GRID2: variants seen among roughly 807,000 people sequenced by gnomAD.
GRID2 encodes glutamate ionotropic receptor delta type subunit 2, also known as glutamate receptor ionotropic, delta-2.
A neutral mutation model predicts 114.8 loss-of-function variants in GRID2; 33 were observed. The ratio of observed to expected loss-of-function variants is 0.29; its 90% CI spans 0.22 to 0.38. The LOEUF is 0.38. Ranked by LOEUF, GRID2 falls within the 10% of genes least tolerant of loss-of-function variation. The pLI is 1.00. For synonymous variants in GRID2, 505 were observed against 449.9 expected, an observed-to-expected ratio of 1.12 and a Z score of -1.55; for missense variants, 1,184 against 1,257.7, an observed-to-expected ratio of 0.94 and a Z score of 0.89.
At chr4:92,560,094 A>C (rs1727039174) in intron 1 of GRID2, among the ~76,000 whole-genome samples, 1 of 152,150 alleles carries the variant, frequency 6.6e-6, no homozygotes, top group Admixed American at 6.6e-5. Context: ...AGGAGTTCTA[A>C]ATGAGGGACA....
At chr4:92,936,110 A>G (rs892838680) in intron 2 of GRID2, among the ~76,000 whole-genome samples, 3 of 146,960 alleles carry the variant, frequency 2.0e-5, no homozygotes, top group Non-Finnish European at 3.0e-5. Context: ...GTTAAACAAA[A>G]GAAATGCACT....
At chr4:93,315,603 C>T (rs1052839344) in intron 8 of GRID2, among the ~76,000 whole-genome samples, 2 of 152,078 alleles carry the variant, frequency 1.3e-5, no homozygotes, top group Admixed American at 6.6e-5. Context: ...AATCTCTCTT[C>T]GTAGGAATCT....
intron 8 of GRID2, among the ~76,000 whole-genome samples, chr4:93,372,486 CTTA>C (rs980313534): frequency 6.6e-6 from 1 of 152,056 alleles, no homozygotes; most frequent in Non-Finnish European, 1.5e-5. Flanking sequence ...CCTGCTTTTG[CTTA>C]TTATTCTCTA....
chr4:92,959,135 T>C (rs145023870), intron 2 of GRID2, among the ~76,000 whole-genome samples: 2,817 of 148,214 alleles, frequency 0.019, 40 homozygotes, highest in East Asian at 0.051. Flanking sequence ...CCCAAAAGAC[T>C]GACTTTTGAT....
intron 2 of GRID2, among the ~76,000 whole-genome samples, chr4:92,643,310 T>G (rs540618392): frequency 6.6e-6 from 1 of 151,746 alleles, no homozygotes; most frequent in Admixed American, 6.6e-5. Flanking sequence ...TGTGGAGATC[T>G]TTCAACATAC....
At chr4:93,319,327 G>A (rs770950353) in intron 8 of GRID2, among the ~76,000 whole-genome samples, 16 of 152,118 alleles carry the variant, frequency 1.1e-4, no homozygotes, top group East Asian at 5.8e-4. Context: ...CTACTCTTAC[G>A]TTTTATTTCA....
chr4:93,519,690 G>T (rs2149496445), intron 13 of GRID2, among the ~76,000 whole-genome samples: 1 of 152,206 alleles, frequency 6.6e-6, no homozygotes, highest in Non-Finnish European at 1.5e-5. Context: ...ATAAAACCAG[G>T]ATTGGTAGGA....
intron 2 of GRID2, among the ~76,000 whole-genome samples, chr4:92,940,388 A>G (rs1250194299): frequency 3.2e-5 from 3 of 93,730 alleles, no homozygotes; most frequent in African/African-American, 1.8e-4. Flanking sequence ...GGTGTGTAAG[A>G]ATGCTTGTGA....
chr4:93,321,946 A>G (rs1271719471), intron 8 of GRID2, among the ~76,000 whole-genome samples: 1 of 151,850 alleles, frequency 6.6e-6, no homozygotes, highest in African/African-American at 2.4e-5. Flanking sequence ...ATTTTTATAT[A>G]ATCAATACTT....
chr4:93,784,062 A>G, intron 1 of GRID2, among the ~76,000 whole-genome samples: 1 of 93,612 alleles, frequency 1.1e-5, no homozygotes, highest in Admixed American at 1.7e-4. Flanking sequence ...ACAGAGCGAG[A>G]CTCCGTCTCA....
intron 14 of GRID2, among the ~76,000 whole-genome samples, chr4:93,671,867 T>C (rs941040578): frequency 6.6e-6 from 1 of 151,580 alleles, no homozygotes; most frequent in Non-Finnish European, 1.5e-5. Context: ...TCCCAGATAC[T>C]TGGAGGCTGA....
intron 1 of GRID2, among the ~76,000 whole-genome samples, 187 bp downstream of exon 1, chr4:92,304,931 G>A (rs1022249495): frequency 1.3e-5 from 2 of 152,074 alleles, no homozygotes; most frequent in Admixed American, 6.5e-5. Context: ...CTCGAACCTC[G>A]ACTGACTTGT....
chr4:93,374,070 T>TA (rs1763164991), intron 8 of GRID2, among the ~76,000 whole-genome samples: 1 of 152,170 alleles, frequency 6.6e-6, no homozygotes. Context: ...ACTTTCCACT[T>TA]AAATGCCTAA....
chr4:92,859,252 C>T (rs1260780731), intron 2 of GRID2, among the ~76,000 whole-genome samples: 2 of 152,240 alleles, frequency 1.3e-5, no homozygotes, highest in South Asian at 2.1e-4. Flanking sequence ...TGGCTGAATG[C>T]ACAATCATTC....
chr4:93,619,792 C>T lies in GRID2; in HGVS notation c.2194-6477C>T, dbSNP rs541182106. Among the ~76,000 whole-genome samples the T allele has an allele frequency of 4.6e-5, 7 of 152,224 alleles. No individual in the cohort carries two copies. The East Asian group carries it at 1.4e-3, about 29-fold the overall frequency. The stretch of plus-strand genomic sequence containing the variant: ...GCCCAATTTTTTTTTACCTTAATAC[C>T]GTGATCATATAGAACTGAGGAAGCT... On this transcript the variant is annotated intron_variant, in intron 13 of 15. Transcript: ENST00000282020.
chr4:92,323,558 T>A (rs1435690666), intron 1 of GRID2, among the ~76,000 whole-genome samples: 1 of 152,102 alleles, frequency 6.6e-6, no homozygotes, highest in Non-Finnish European at 1.5e-5. Flanking sequence ...TGCTCTTTCA[T>A]TGCTGGCCTA....
intron 14 of GRID2, among the ~76,000 whole-genome samples, chr4:93,652,707 G>A (rs1836646): frequency 0.47 from 69,441 of 147,824 alleles, 17,646 homozygotes; most frequent in African/African-American, 0.69. Flanking sequence ...GTTCAAGCCA[G>A]CCAGTCCATG....
In GRID2 at chr4:93,021,762, T is replaced by C. The variant is rs1042183478; in HGVS notation, c.245-63233T>C. 4.1e-5 allele frequency among the ~76,000 whole-genome samples: 6 copies of C among 146,188 alleles called. No individual in the cohort carries two copies. In the Admixed American group the frequency reaches 4.1e-4, roughly 10 times the overall value. ...ATATTATAATTATTTATAATATGAA[T>C]ATTATAATATTTACAATATGTATAT... is the stretch of plus-strand genomic sequence containing the variant. On this transcript the variant is annotated intron_variant, in intron 2 of 15. Transcript: ENST00000282020.
chr4:92,336,654 A>T (rs1158062318), intron 1 of GRID2, among the ~76,000 whole-genome samples: 4 of 152,166 alleles, frequency 2.6e-5, no homozygotes, highest in Non-Finnish European at 4.4e-5. Flanking sequence ...TAAAATCTGT[A>T]TCTTACTATT....
Sources: gnomAD v4.1 joint callset for allele counts (sites outside exome capture counted in the v4.1 genomes callset) on GRCh38, gnomAD v4.1.1 for gene constraint, MANE v1.5 for transcripts, NCBI Gene and HGNC (gene_info 2026-07-23, HGNC 2026-07-21) for gene names.